Variants in PMFBP1 observed in about 807,000 individuals in gnomAD.
The protein encoded by PMFBP1 is polyamine modulated factor 1 binding protein 1, also known as polyamine-modulated factor 1-binding protein 1.
Under a neutral mutation model 137.8 loss-of-function variants are expected in PMFBP1, and 131 were observed. The ratio of observed to expected loss-of-function variants is 0.95; its 90% CI spans 0.82 to 1.10. The LOEUF is 1.10. Ranked by LOEUF, PMFBP1 falls within the 50% of genes least tolerant of loss-of-function variation. The pLI is 0.00. For missense variants in PMFBP1, 1,199 were observed against 1,175.4 expected (o/e 1.02, Z -0.29); for synonymous variants, 490 against 450.4 (o/e 1.09, Z -1.11).
chr16:72,185,444 C>T, the PMFBP1 span, among the ~76,000 whole-genome samples: 2 of 152,144 alleles, frequency 1.3e-5, no homozygotes, highest in African/African-American at 4.8e-5. Flanking sequence ...GCTTGTGCTA[C>T]GGCTATGTGC....
chr16:72,128,546 T>G (rs761159163), intron 14 of PMFBP1, 111 bp downstream of exon 14: 1 of 1,597,426 alleles, frequency 6.3e-7, no homozygotes, highest in African/African-American at 1.3e-5. Context: ...GGATCCGCAG[T>G]TGGCTGAGCA....
intron 3 of PMFBP1, among the ~76,000 whole-genome samples, chr16:72,161,688 C>T (rs368237243): frequency 6.6e-6 from 1 of 152,110 alleles, no homozygotes; most frequent in East Asian, 1.9e-4. Flanking sequence ...GTACATTTGT[C>T]TAAACTAAGA....
chr16:72,150,552 G>T, intron 5 of PMFBP1, 56 bp downstream of exon 5: 2 of 1,550,604 alleles, frequency 1.3e-6, no homozygotes, highest in Non-Finnish European at 1.8e-6. Context: ...TGTCTGAGGG[G>T]ACCACCTGGG....
chr16:72,137,866 A>T (rs528480036), intron 7 of PMFBP1, among the ~76,000 whole-genome samples: 1 of 152,232 alleles, frequency 6.6e-6, no homozygotes, highest in South Asian at 2.1e-4. Context: ...GGAAGCCAGG[A>T]GGTGACAGCT....
chr16:72,164,670 T>C, intron 3 of PMFBP1, 94 bp downstream of exon 3: 2 of 1,450,786 alleles, frequency 1.4e-6, no homozygotes, highest in Non-Finnish European at 9.3e-7. Context: ...TACTCCTGAA[T>C]GAACAGTGGA....
chr16:72,125,352 G>T lies in PMFBP1; in HGVS notation c.2307C>A (p.Thr769=). 6.2e-7 allele frequency: 1 copy of T among 1,613,974 alleles called. No homozygotes were observed. The highest frequency in any genetic ancestry group is 8.5e-7 in the Non-Finnish European group (1 of 1,180,000). ...TKSLQQSLTQ[T]QEKKAQLEEE... is the part of the protein sequence containing the mutation. ...CTTCCAGCTGAGCTTTCTTCTCTTG[G>T]GTCTGTGTCAAGCTTTGCTGCAGGC... The change falls in exon 16 of 21, where the codon ACC becomes ACA. Residue 769 remains threonine, a synonymous_variant. Transcript: ENST00000237353.
intron 5 of PMFBP1, among the ~76,000 whole-genome samples, chr16:72,142,515 G>A (rs2042738864): frequency 6.6e-6 from 1 of 152,134 alleles, no homozygotes; most frequent in Non-Finnish European, 1.5e-5. Flanking sequence ...GGTACAAGGT[G>A]GTACAAAGAA....
chr16:72,148,747 T>A (rs896716162), intron 5 of PMFBP1, among the ~76,000 whole-genome samples: 4 of 152,190 alleles, frequency 2.6e-5, no homozygotes, highest in Admixed American at 6.5e-5. Context: ...ATGACCAATA[T>A]GCTTATGAAT....
the PMFBP1 span, among the ~76,000 whole-genome samples, chr16:72,202,534 C>T: frequency 2.6e-5 from 4 of 152,132 alleles, no homozygotes; most frequent in Non-Finnish European, 4.4e-5. Flanking sequence ...CTAGGTCCCA[C>T]CCCGACACTG....
At chr16:72,207,747 T>C in the PMFBP1 span, among the ~76,000 whole-genome samples, 1 of 150,666 alleles carries the variant, frequency 6.6e-6, no homozygotes, top group Non-Finnish European at 1.5e-5. Context: ...TGTGTGCATA[T>C]TGATATACAC....
the PMFBP1 span, among the ~76,000 whole-genome samples, chr16:72,248,480 A>G: frequency 1.4e-4 from 21 of 152,332 alleles, no homozygotes; most frequent in African/African-American, 4.6e-4. Flanking sequence ...CCAAAAAAAA[A>G]TCTCTTTGAG....
At chr16:72,227,485 C>G in the PMFBP1 span, among the ~76,000 whole-genome samples, 1 of 152,084 alleles carries the variant, frequency 6.6e-6, no homozygotes, top group East Asian at 1.9e-4. Context: ...ATATTTTTAA[C>G]ATTTTAGCAT....
rs1304626151 is a variant in PMFBP1, at chr16:72,141,165, A to G, written c.637-583T>C. Among the ~76,000 whole-genome samples the G allele has an allele frequency of 2.0e-5, 3 of 152,188 alleles. No homozygotes were observed. In the East Asian group the frequency reaches 5.8e-4, roughly 29 times the overall value. On this transcript the variant is annotated intron_variant, in intron 5 of 20. Transcript: ENST00000237353. ...TTGGCCAGGCAGGTCTCAAACTGCT[A>G]ACCTCAGGTGATTCACCCGCCTCAG...
At chr16:72,215,203 T>C in the PMFBP1 span, among the ~76,000 whole-genome samples, 1 of 152,012 alleles carries the variant, frequency 6.6e-6, no homozygotes, top group East Asian at 1.9e-4. Context: ...AACCAATATT[T>C]GAGAAAATAG....
At chr16:72,187,188 T>C in the PMFBP1 span, among the ~76,000 whole-genome samples, 1 of 151,930 alleles carries the variant, frequency 6.6e-6, no homozygotes, top group Non-Finnish European at 1.5e-5. Flanking sequence ...AAACATTTAC[T>C]AAATAAAGAT....
the PMFBP1 span, among the ~76,000 whole-genome samples, chr16:72,239,131 C>T: frequency 1.3e-5 from 2 of 152,116 alleles, no homozygotes; most frequent in Non-Finnish European, 2.9e-5. Context: ...CCTAATAGTA[C>T]CATTGAAACT....
At chr16:72,225,713 A>G in the PMFBP1 span, among the ~76,000 whole-genome samples, 1 of 102,416 alleles carries the variant, frequency 9.8e-6, no homozygotes. Flanking sequence ...ACTGTTTATA[A>G]TAATAATAAT....
At chr16:72,210,327 A>AG in the PMFBP1 span, among the ~76,000 whole-genome samples, 3 of 152,330 alleles carry the variant, frequency 2.0e-5, no homozygotes, top group African/African-American at 7.2e-5. Flanking sequence ...AGCAAAAGCA[A>AG]GGGCTTGAAG....
intron 10 of PMFBP1, among the ~76,000 whole-genome samples, chr16:72,132,178 T>A (rs1253557961): frequency 6.6e-6 from 1 of 152,050 alleles, no homozygotes; most frequent in Admixed American, 6.6e-5. Context: ...ATTCAGTAGT[T>A]TTTTGGATAA....
Sources: gnomAD v4.1 joint callset for allele counts (sites outside exome capture counted in the v4.1 genomes callset) on GRCh38, gnomAD v4.1.1 for gene constraint, MANE v1.5 for transcripts, NCBI Gene and HGNC (gene_info 2026-07-23, HGNC 2026-07-21) for gene names.